Variants in COBL observed in about 807,000 individuals in gnomAD.
COBL encodes the protein cordon-bleu WH2 repeat protein, also known as protein cordon-bleu.
COBL carries 51 observed loss-of-function variants against 98.8 expected under a neutral mutation model. The observed-to-expected ratio is 0.52, with a 90% CI of 0.41 to 0.65. The LOEUF is 0.65. Among genes scored for constraint, COBL ranks in the 30% least tolerant of loss-of-function variants. COBL has a pLI of 0.00. For missense variants in COBL, 1,617 were observed against 1,617.5 expected (o/e 1.00, Z 0.01); for synonymous variants, 634 against 651.7 (o/e 0.97, Z 0.41).
intron 2 of COBL, among the ~76,000 whole-genome samples, chr7:51,217,266 T>C (rs1402450479): frequency 6.6e-6 from 1 of 152,154 alleles, no homozygotes; most frequent in Non-Finnish European, 1.5e-5. Flanking sequence ...ATTCTTTCCT[T>C]GTGCATTTGT....
At chr7:51,186,601 C>T (rs1334450588) in intron 4 of COBL, among the ~76,000 whole-genome samples, 3 of 152,200 alleles carry the variant, frequency 2.0e-5, no homozygotes, top group Non-Finnish European at 2.9e-5. Flanking sequence ...CAGGACAGCC[C>T]CGGCACCAGA....
At chr7:51,278,577 A>G (rs372721848) in intron 1 of COBL, among the ~76,000 whole-genome samples, 1 of 151,658 alleles carries the variant, frequency 6.6e-6, no homozygotes, top group Non-Finnish European at 1.5e-5. Flanking sequence ...TCGGGGTTTC[A>G]CCATGTTGGC....
At chr7:51,040,986 CTGTGCAA>C (rs1350032347) in intron 8 of COBL, among the ~76,000 whole-genome samples, 6 of 152,196 alleles carry the variant, frequency 3.9e-5, no homozygotes, top group Non-Finnish European at 8.8e-5. Context: ...GAATGCAAAC[CTGTGCAA>C]TCCCCATGCA....
At chr7:51,178,576 A>G (rs1016170665) in intron 5 of COBL, among the ~76,000 whole-genome samples, 1 of 152,156 alleles carries the variant, frequency 6.6e-6, no homozygotes, top group Non-Finnish European at 1.5e-5. Context: ...AAGAAGAGAG[A>G]GGAAGACACA....
At chr7:51,182,887 T>TA (rs1789124561) in intron 5 of COBL, among the ~76,000 whole-genome samples, 1 of 152,134 alleles carries the variant, frequency 6.6e-6, no homozygotes, top group Non-Finnish European at 1.5e-5. Context: ...GAAAAACTCT[T>TA]AAAGACAGGA....
Position 51,028,809 on chromosome 7 carries a change from G to T in COBL, c.2287C>A (p.Pro763Thr). 6.2e-7 allele frequency: 1 copy of T among 1,614,200 alleles called. No homozygotes were observed. The highest frequency in any genetic ancestry group is 8.5e-7 in the Non-Finnish European group (1 of 1,180,038). Residue 763 changes from proline (P) to threonine (T), a missense_variant, in exon 10 of 13, where the codon CCC becomes ACC. Physicochemically the swap from Pro to Thr is conservative, Grantham distance 38. Around this residue, in one of 3 missense-constraint regions of COBL, gnomAD observed 1,304 missense variants for 1,282.0 expected, o/e 1.02. Transcript: ENST00000265136. ...CAGAACTCTCTGACTTTCCCAATGG[G>T]CTGAGATTCTGCTTCAGGCACAGAC... Reference protein sequence around the residue: ...SSSVPEAESQPIGKVREFWRC... With the variant: ...SSSVPEAESQTIGKVREFWRC...
In COBL at chr7:51,155,883, A is replaced by G. The variant is rs189199973; in HGVS notation, c.784-19552T>C. On this transcript the variant is annotated intron_variant, in intron 5 of 12. Coordinates refer to ENST00000265136, the MANE Select transcript of COBL (RefSeq NM_015198.5). ...GTTCTTACGGAAGGGAGCCTGCATCATCAGTAATGAAAATATCAACATTGA... is the reference window on the plus strand; with the variant it reads ...GTTCTTACGGAAGGGAGCCTGCATCGTCAGTAATGAAAATATCAACATTGA... 1.6e-3 allele frequency among the ~76,000 whole-genome samples: 248 copies of G among 152,286 alleles called. 3 individuals are homozygous for G. In the Middle Eastern group the frequency reaches 0.024, roughly 15 times the overall value.
At chr7:51,149,526 G>C (rs1371900967) in intron 5 of COBL, among the ~76,000 whole-genome samples, 1 of 152,192 alleles carries the variant, frequency 6.6e-6, no homozygotes, top group Non-Finnish European at 1.5e-5. Context: ...TGCTTTTAGA[G>C]TGTTTGGTGA....
At chr7:51,174,297 A>G (rs1049787914) in intron 5 of COBL, among the ~76,000 whole-genome samples, 2 of 152,176 alleles carry the variant, frequency 1.3e-5, no homozygotes, top group African/African-American at 4.8e-5. Context: ...TGCCTCTCTC[A>G]CCAGGTTTCT....
At chr7:51,164,572 C>T (rs1202999519) in intron 5 of COBL, among the ~76,000 whole-genome samples, 5 of 151,968 alleles carry the variant, frequency 3.3e-5, no homozygotes, top group African/African-American at 1.2e-4. Context: ...CAAACAAAAG[C>T]TGGGGAATTT....
chr7:51,281,278 G>C (rs1296642994), intron 1 of COBL, among the ~76,000 whole-genome samples: 1 of 152,162 alleles, frequency 6.6e-6, no homozygotes, highest in East Asian at 1.9e-4. Context: ...CTGTAAAAAT[G>C]AACAGGCATA....
intron 1 of COBL, among the ~76,000 whole-genome samples, chr7:51,229,030 C>T (rs1794470689): frequency 6.6e-6 from 1 of 152,194 alleles, no homozygotes; most frequent in Non-Finnish European, 1.5e-5. Flanking sequence ...GCATACATCC[C>T]AAGCTGTCCC....
At chr7:51,064,900 C>T (rs1019452069) in intron 7 of COBL, 6 of 514,374 alleles carry the variant, frequency 1.2e-5, no homozygotes, top group African/African-American at 1.1e-4. Context: ...CAGGGCCCTG[C>T]TGCCTGGAAA....
intron 7 of COBL, among the ~76,000 whole-genome samples, chr7:51,070,341 G>A (rs191607237): frequency 1.3e-5 from 2 of 148,796 alleles, no homozygotes; most frequent in East Asian, 4.0e-4. Context: ...AAGCTATTTT[G>A]GGTTTTTCTC....
chr7:51,040,812 T>C (rs558568152), intron 8 of COBL, among the ~76,000 whole-genome samples: 1 of 152,174 alleles, frequency 6.6e-6, no homozygotes, highest in Non-Finnish European at 1.5e-5. Flanking sequence ...AAAGACTCAA[T>C]GATTATTCTG....
At chr7:51,305,256 A>G (rs552506922) in intron 1 of COBL, among the ~76,000 whole-genome samples, 124 of 152,344 alleles carry the variant, frequency 8.1e-4, no homozygotes, top group Non-Finnish European at 8.4e-4. Flanking sequence ...ACATGGGTAA[A>G]TCATGAAAGC....
chr7:51,295,020 C>G (rs1445929215), intron 1 of COBL, among the ~76,000 whole-genome samples: 3 of 152,000 alleles, frequency 2.0e-5, no homozygotes, highest in Non-Finnish European at 4.4e-5. Flanking sequence ...GGCACAATGG[C>G]TCTCAATCAT....
intron 7 of COBL, among the ~76,000 whole-genome samples, chr7:51,057,333 T>TACAC (rs10579615): frequency 8.2e-4 from 122 of 149,220 alleles, no homozygotes; most frequent in Middle Eastern, 3.5e-3. Flanking sequence ...CGCACACACA[T>TACAC]ACACACACAC....
chr7:51,261,495 C>A (rs990516245), intron 1 of COBL, among the ~76,000 whole-genome samples: 1 of 152,162 alleles, frequency 6.6e-6, no homozygotes, highest in Non-Finnish European at 1.5e-5. Context: ...AAAGCTACTG[C>A]GAAACACAAA....
Sources: allele counts gnomAD v4.1 joint callset (sites outside exome capture counted in the v4.1 genomes callset), GRCh38; gene constraint gnomAD v4.1.1; regional missense constraint gnomAD v4.1.1; transcripts MANE v1.5; gene names NCBI Gene and HGNC (gene_info 2026-07-23, HGNC 2026-07-21).